NUP210L: variants seen among roughly 807,000 people sequenced by gnomAD.
The protein encoded by NUP210L is nucleoporin 210 like.
In NUP210L, 74 loss-of-function variants were observed where a neutral mutation model predicts 208.5. The ratio of observed to expected loss-of-function variants is 0.35; its 90% CI spans 0.29 to 0.43. NUP210L has a LOEUF of 0.43. NUP210L is among the 20% of genes least tolerant of loss of function. NUP210L has a pLI of 1.00. For synonymous variants in NUP210L, 780 were observed against 816.9 expected, an observed-to-expected ratio of 0.95 and a Z score of 0.77; for missense variants, 1,843 against 2,289.4, an observed-to-expected ratio of 0.81 and a Z score of 3.98.
At chr1:154,043,300 G>A (rs1405668003) in intron 27 of NUP210L, among the ~76,000 whole-genome samples, 2 of 150,814 alleles carry the variant, frequency 1.3e-5, no homozygotes, top group African/African-American at 2.4e-5. Flanking sequence ...GATTACAGGC[G>A]TGAGCCACTG....
chr1:154,057,619 G>A (rs1653935238), intron 22 of NUP210L, among the ~76,000 whole-genome samples: 1 of 151,768 alleles, frequency 6.6e-6, no homozygotes, highest in Non-Finnish European at 1.5e-5. Context: ...CATCCAAGGA[G>A]AGGTTTCAGA....
rs550662859 is a variant in NUP210L at position 154,127,378 on chromosome 1, A to G, written c.1118T>C (p.Val373Ala). 4 of 1,606,964 alleles carry G rather than the reference A, an allele frequency of 2.5e-6. No homozygotes were observed. In the Admixed American group the frequency reaches 5.0e-5, roughly 20 times the overall value. ...TACTGTAATGACATATACCTGTCCC[A>G]CCTCTAGACTCCATCGGTTTCCAGG... Residue 373 changes from valine (V) to alanine (A), a missense_variant, in exon 9 of 40, where the codon GTG becomes GCG. Val to Ala is a moderately conservative substitution (Grantham distance 64). Coordinates refer to ENST00000368559, the Ensembl canonical transcript of NUP210L.
At chr1:154,095,277 G>C (rs903518784) in intron 14 of NUP210L, 121 bp from the exon 15 acceptor site, 65 of 721,980 alleles carry the variant, frequency 9.0e-5, no homozygotes, top group Non-Finnish European at 8.8e-5. Flanking sequence ...CAAATTAAGA[G>C]ATATGTATGC....
chr1:154,054,084 C>T (rs1214349013), intron 25 of NUP210L, 144 bp downstream of exon 25: 3 of 700,160 alleles, frequency 4.3e-6, no homozygotes, highest in South Asian at 1.9e-5. Flanking sequence ...ATTTTCCATG[C>T]CTGGTTGACA....
intron 11 of NUP210L, 67 bp from the exon 12 acceptor site, chr1:154,117,947 C>G: frequency 8.8e-7 from 1 of 1,131,520 alleles, no homozygotes; most frequent in Non-Finnish European, 1.3e-6. Context: ...AAATGTAAAA[C>G]TTGACTGGTG....
intron 27 of NUP210L, among the ~76,000 whole-genome samples, chr1:154,040,194 T>G (rs979745944): frequency 6.6e-6 from 1 of 152,128 alleles, no homozygotes; most frequent in Non-Finnish European, 1.5e-5. Flanking sequence ...GGCTAATCTT[T>G]CCTTGTTTGT....
exon 26 of NUP210L, chr1:154,046,300 T>C (rs752239844): frequency 5.0e-6 from 8 of 1,614,200 alleles, no homozygotes; most frequent in Non-Finnish European, 6.8e-6. Flanking sequence ...TTGGTAGCTG[T>C]GATGAGCCGA....
At chr1:154,001,691 A>G (rs1650220939) in intron 36 of NUP210L, 44 bp downstream of exon 36, 1 of 1,592,278 alleles carries the variant, frequency 6.3e-7, no homozygotes, top group African/African-American at 1.3e-5. Context: ...TATCTTTTCA[A>G]ATTCCTGATC....
intron 32 of NUP210L, among the ~76,000 whole-genome samples, chr1:154,021,307 G>T (rs1651548293): frequency 6.6e-6 from 1 of 152,042 alleles, no homozygotes; most frequent in Non-Finnish European, 1.5e-5. Flanking sequence ...AGTTGGCCAG[G>T]GGCCAACCCC....
intron 27 of NUP210L, among the ~76,000 whole-genome samples, chr1:154,045,773 G>A (rs184924555): frequency 4.8e-4 from 73 of 152,204 alleles, no homozygotes; most frequent in Admixed American, 4.2e-3. Context: ...CCTAAGCTCA[G>A]GAGCTCAAGA....
chr1:153,998,588 A>G (rs1305011485), intron 37 of NUP210L, among the ~76,000 whole-genome samples: 1 of 150,688 alleles, frequency 6.6e-6, no homozygotes, highest in East Asian at 1.9e-4. Flanking sequence ...AAAAAGATGC[A>G]ATTTTTCTCC....
chr1:154,137,132 G>A (rs1168904507), intron 6 of NUP210L, among the ~76,000 whole-genome samples: 1 of 151,988 alleles, frequency 6.6e-6, no homozygotes, highest in African/African-American at 2.4e-5. Context: ...TAGAGATGAG[G>A]TCTCAGCTTG....
chr1:153,995,011 CAAAA>C (rs376157395), intron 38 of NUP210L, 61 bp downstream of exon 38: 1,645 of 719,220 alleles, frequency 2.3e-3, no homozygotes, highest in Admixed American at 3.0e-3. Flanking sequence ...AACTCCATCT[CAAAA>C]AAAAAAAAAA....
In NUP210L at chr1:154,025,844, G is replaced by A. The variant is rs1651849563; in HGVS notation, c.3948-128C>T. The A allele has an allele frequency of 6.0e-6, 4 of 664,920 alleles. No homozygotes were observed. The East Asian group carries it at 1.0e-4, about 17-fold the overall frequency. The allele number at this position is 664,920 out of a possible 1,614,324, so 41.2% of individuals were successfully genotyped here. ...AAACTGCTTGCCATTCTCCACGTGT[G>A]TAATTATTTGTTCCTCAGGTAAAAG... On this transcript the variant is annotated intron_variant, in intron 29 of 39. Coordinates refer to ENST00000368559, the Ensembl canonical transcript of NUP210L.
Position 154,054,458 on chromosome 1 carries a change from G to A in NUP210L, c.3304-51C>T, listed in dbSNP as rs781552916. The A allele has an allele frequency of 6.4e-6, 10 of 1,567,056 alleles. No homozygotes were observed. In the East Asian group the frequency reaches 2.0e-4, roughly 32 times the overall value. On this transcript the variant is annotated intron_variant, in intron 24 of 39. Coordinates refer to ENST00000368559, the Ensembl canonical transcript of NUP210L. ...GCCTAGAACATGAGGGAGAAATCAT[G>A]TCTCTTTTCCCAACATTTTGTCCAA...
intron 17 of NUP210L, among the ~76,000 whole-genome samples, chr1:154,062,413 T>C (rs1168570967): frequency 2.6e-5 from 4 of 152,134 alleles, no homozygotes; most frequent in African/African-American, 9.7e-5. Flanking sequence ...GCAAAGTGTT[T>C]AAATGGCTAA....
intron 27 of NUP210L, among the ~76,000 whole-genome samples, chr1:154,033,753 C>T (rs1053933981): frequency 6.6e-6 from 1 of 152,052 alleles, no homozygotes; most frequent in Non-Finnish European, 1.5e-5. Context: ...TTCCATATAA[C>T]TTTTACAATT....
At chr1:154,151,054 G>A (rs1322303466) in intron 2 of NUP210L, among the ~76,000 whole-genome samples, 1 of 152,054 alleles carries the variant, frequency 6.6e-6, no homozygotes, top group Admixed American at 6.6e-5. Flanking sequence ...CAAGTCAGAC[G>A]AAGTTAAGCT....
chr1:154,064,181 A>G (rs901084482), intron 17 of NUP210L, among the ~76,000 whole-genome samples: 6 of 151,918 alleles, frequency 3.9e-5, no homozygotes, highest in Non-Finnish European at 7.4e-5. Context: ...TACAGGCATG[A>G]GCCAATGCAC....
Sources: gnomAD v4.1 joint callset for allele counts (sites outside exome capture counted in the v4.1 genomes callset) on GRCh38, gnomAD v4.1.1 for gene constraint, MANE v1.5 for transcripts, NCBI Gene and HGNC (gene_info 2026-07-23, HGNC 2026-07-21) for gene names.